EFL1: variants seen among roughly 807,000 people sequenced by gnomAD.
The protein encoded by EFL1 is elongation factor-like GTPase 1.
In EFL1, 76 loss-of-function variants were observed where a neutral mutation model predicts 126.7. The ratio of observed to expected loss-of-function variants is 0.60; its 90% CI spans 0.50 to 0.73. EFL1 has a LOEUF of 0.73. Ranked by LOEUF, EFL1 falls within the 30% of genes least tolerant of loss-of-function variation. The probability of loss-of-function intolerance (pLI) is 0.00; values close to 1 mark genes in which losing one functional copy is unlikely to be tolerated. For synonymous variants in EFL1, 410 were observed against 448.4 expected (o/e 0.91, Z 1.08); for missense variants, 1,128 against 1,343.2 (o/e 0.84, Z 2.50).
In EFL1 at chr15:82,221,964, C is replaced by T. The variant is rs145732531; in HGVS notation, c.1293-1735G>A. Among the ~76,000 whole-genome samples, 148 of 152,342 alleles carry T rather than the reference C, an allele frequency of 9.7e-4. 1 individual carries two copies. In the East Asian group the frequency reaches 0.024, roughly 24 times the overall value. On this transcript the variant is annotated intron_variant, in intron 12 of 19. Coordinates refer to ENST00000268206, the MANE Select transcript of EFL1 (RefSeq NM_024580.6). ...CTCTTCCCCAGGCTGACCATTCTAG[C>T]CGTTCCTTCAACCAATCCTTTGACA...
chr15:82,172,399 C>G (rs1432820541), intron 15 of EFL1, among the ~76,000 whole-genome samples: 2 of 152,192 alleles, frequency 1.3e-5, no homozygotes, highest in Non-Finnish European at 2.9e-5. Context: ...CAACCCCTCT[C>G]TAGGTGATTT....
chr15:82,159,389 A>G (rs761912783), intron 16 of EFL1, among the ~76,000 whole-genome samples: 4 of 152,196 alleles, frequency 2.6e-5, no homozygotes, highest in Admixed American at 1.3e-4. Flanking sequence ...TGAGATCCCA[A>G]CAAATATTTC....
At chr15:82,159,563 T>C (rs191628592) in intron 16 of EFL1, among the ~76,000 whole-genome samples, 1,525 of 152,044 alleles carry the variant, frequency 0.01, 16 homozygotes, top group Non-Finnish European at 0.015. Context: ...AGCTATTTGG[T>C]TGCCAAAGAT....
intron 18 of EFL1, among the ~76,000 whole-genome samples, chr15:82,143,643 G>A (rs2073812113): frequency 6.6e-6 from 1 of 152,174 alleles, no homozygotes; most frequent in South Asian, 2.1e-4. Context: ...GGGGAACGTA[G>A]GCTGGTTGCT....
At chr15:82,253,380 G>A (rs537272890) in intron 3 of EFL1, among the ~76,000 whole-genome samples, 2 of 151,386 alleles carry the variant, frequency 1.3e-5, no homozygotes, top group East Asian at 1.9e-4. Context: ...GGGGTCTGGA[G>A]AAGTGAAGTT....
rs184208792 is a variant in EFL1, at chr15:82,219,601, A to G, written c.1611+51T>C. The G allele has an allele frequency of 2.3e-3, 3,498 of 1,550,244 alleles. 5 individuals carry two copies. Among genetic ancestry groups the G allele is most frequent in the Admixed American group, 2.8e-3 (141 of 49,752 alleles). On this transcript the variant is annotated intron_variant, in intron 14 of 19. Coordinates refer to ENST00000268206, the MANE Select transcript of EFL1 (RefSeq NM_024580.6). ...ACCAGTCCCAACAAAATGTGAAAAG[A>G]TATCAGACCCTCGAGAAACAATATA...
chr15:82,156,417 C>G (rs1407877744), intron 17 of EFL1, among the ~76,000 whole-genome samples: 1 of 152,128 alleles, frequency 6.6e-6, no homozygotes, highest in Non-Finnish European at 1.5e-5. Flanking sequence ...TCCTGAGTAG[C>G]TGGATTACAG....
At chr15:82,189,841 C>T (rs963181083) in intron 15 of EFL1, among the ~76,000 whole-genome samples, 2 of 152,112 alleles carry the variant, frequency 1.3e-5, no homozygotes, top group Non-Finnish European at 2.9e-5. Context: ...CTGGGCTGAG[C>T]ACAGTGGCTC....
At chr15:82,244,718 C>T (rs2074955839) in intron 4 of EFL1, among the ~76,000 whole-genome samples, 1 of 152,060 alleles carries the variant, frequency 6.6e-6, no homozygotes, top group South Asian at 2.1e-4. Context: ...CCTCCCTTGC[C>T]CATGGTTTTA....
At chr15:82,259,236 G>C in intron 2 of EFL1, 81 bp from the exon 3 acceptor site, 1 of 1,273,664 alleles carries the variant, frequency 7.9e-7, no homozygotes, top group East Asian at 2.3e-5. Flanking sequence ...TTAAAATCTG[G>C]TCATAAGAAT....
At chr15:82,166,920 A>G (rs1232995103) in intron 15 of EFL1, among the ~76,000 whole-genome samples, 1 of 152,234 alleles carries the variant, frequency 6.6e-6, no homozygotes, top group Admixed American at 6.5e-5. Context: ...CATTTGCTAA[A>G]GCATTTTTCA....
At chr15:82,211,231 T>C (rs549015989) in intron 15 of EFL1, among the ~76,000 whole-genome samples, 4 of 151,982 alleles carry the variant, frequency 2.6e-5, no homozygotes, top group Admixed American at 6.6e-5. Flanking sequence ...CACTCCTTAA[T>C]ATACCAGACT....
At chr15:82,215,269 T>C (rs1454141551) in intron 14 of EFL1, among the ~76,000 whole-genome samples, 1 of 152,154 alleles carries the variant, frequency 6.6e-6, no homozygotes, top group African/African-American at 2.4e-5. Flanking sequence ...TATAATGTTC[T>C]TCAAGTATTC....
intron 15 of EFL1, among the ~76,000 whole-genome samples, chr15:82,166,730 C>T (rs899317320): frequency 6.6e-6 from 1 of 152,128 alleles, no homozygotes; most frequent in African/African-American, 2.4e-5. Flanking sequence ...CTAATATTGC[C>T]ACTATTTTCA....
intron 3 of EFL1, 34 bp from the exon 4 acceptor site, chr15:82,252,809 C>T: frequency 8.6e-7 from 1 of 1,156,144 alleles, no homozygotes; most frequent in Non-Finnish European, 1.3e-6. Context: ...CTTCACTTCC[C>T]AAAGAATTAA....
In EFL1 at chr15:82,152,200, T is replaced by C. The variant is rs199949911; in HGVS notation, c.2254A>G (p.Ser752Gly). 4.7e-5 allele frequency: 76 copies of C among 1,614,070 alleles called. No homozygotes were observed. Among genetic ancestry groups the C allele is most frequent in the Admixed American group, 6.7e-5 (4 of 59,992 alleles). Residue 752 changes from serine (S) to glycine (G), a missense_variant, in exon 18 of 20, where the codon AGT becomes GGT. Coordinates refer to ENST00000268206, the MANE Select transcript of EFL1 (RefSeq NM_024580.6). Reference protein sequence around the residue: ...ITTPNKLATLSVRAMPLPEEV... With the variant: ...ITTPNKLATLGVRAMPLPEEV... ...TCTGGAAGGGGCATGGCTCGAACACTGAGCGTGGCAAGTTTATTGGGAGTT... is the reference window on the plus strand; with the variant it reads ...TCTGGAAGGGGCATGGCTCGAACACCGAGCGTGGCAAGTTTATTGGGAGTT...
intron 7 of EFL1, among the ~76,000 whole-genome samples, chr15:82,237,065 C>T (rs1765347786): frequency 6.6e-6 from 1 of 152,176 alleles, no homozygotes; most frequent in African/African-American, 2.4e-5. Context: ...ATCGCTTGAA[C>T]CTGGGAGGCG....
intron 7 of EFL1, 132 bp from the exon 8 acceptor site, chr15:82,231,103 A>G (rs2141316375): frequency 9.2e-7 from 1 of 1,087,884 alleles, no homozygotes; most frequent in East Asian, 2.6e-5. Flanking sequence ...CTCATTTTAC[A>G]GAAAAGGGTA....
chr15:82,202,992 A>G (rs1380732378), intron 15 of EFL1, among the ~76,000 whole-genome samples: 1 of 151,932 alleles, frequency 6.6e-6, no homozygotes, highest in East Asian at 1.9e-4. Flanking sequence ...TTGCATTTTT[A>G]GTAGAAATGA....
Sources: gnomAD v4.1 joint callset for allele counts (sites outside exome capture counted in the v4.1 genomes callset) on GRCh38, gnomAD v4.1.1 for gene constraint, MANE v1.5 for transcripts, NCBI Gene and HGNC (gene_info 2026-07-23, HGNC 2026-07-21) for gene names.